KCNN2: variants seen among roughly 807,000 people sequenced by gnomAD.
KCNN2 encodes the protein small conductance calcium-activated potassium channel protein 2.
A neutral mutation model predicts 55.5 loss-of-function variants in KCNN2; 24 were observed. That is an observed-to-expected ratio of 0.43 (90% CI 0.31 to 0.61). The LOEUF (loss-of-function observed/expected upper bound fraction) is 0.61, where lower values mean the gene tolerates loss of function less well. Ranked by LOEUF, KCNN2 falls within the 20% of genes least tolerant of loss-of-function variation. The probability of loss-of-function intolerance (pLI) is 0.08; values close to 1 mark genes in which losing one functional copy is unlikely to be tolerated. For missense variants in KCNN2, 754 were observed against 853.6 expected (o/e 0.88, Z 1.45); for synonymous variants, 431 against 336.1 (o/e 1.28, Z -3.09).
intron 2 of KCNN2, among the ~76,000 whole-genome samples, chr5:114,287,017 A>G (rs780396945): frequency 6.6e-6 from 1 of 152,234 alleles, no homozygotes; most frequent in Non-Finnish European, 1.5e-5. Context: ...CTTGTCTAGA[A>G]TTATACAGTA....
chr5:114,327,555 G>T (rs1756735952), intron 2 of KCNN2, among the ~76,000 whole-genome samples: 1 of 152,120 alleles, frequency 6.6e-6, no homozygotes, highest in African/African-American at 2.4e-5. Flanking sequence ...GAAATAACTG[G>T]CCAGAAAAAA....
intron 2 of KCNN2, among the ~76,000 whole-genome samples, chr5:114,393,079 A>C (rs528471202): frequency 1.3e-5 from 2 of 152,022 alleles, no homozygotes; most frequent in African/African-American, 4.8e-5. Flanking sequence ...TCTCTGTTGT[A>C]GTACTTATCA....
At chr5:114,294,184 C>CT (rs1237214691) in intron 2 of KCNN2, among the ~76,000 whole-genome samples, 5 of 152,050 alleles carry the variant, frequency 3.3e-5, no homozygotes, top group Non-Finnish European at 7.3e-5. Flanking sequence ...TTTTGTGTCT[C>CT]TATTTCCTTC....
chr5:114,126,705 C>T lies in KCNN2; in HGVS notation c.-271+70205C>T, dbSNP rs972774186. ...CTTTCCAACAAAGCCTTAACTCATT[C>T]CCCCAAAGCCTTAACTCATTAAGGA... is the stretch of plus-strand genomic sequence containing the variant. On this transcript the variant is annotated intron_variant, in intron 1 of 10. Coordinates refer to the KCNN2 transcript ENST00000512097. Among the ~76,000 whole-genome samples the T allele has an allele frequency of 3.9e-5, 6 of 152,140 alleles. No homozygotes were observed. The East Asian group carries it at 5.8e-4, about 15-fold the overall frequency.
intron 1 of KCNN2, among the ~76,000 whole-genome samples, chr5:114,211,393 A>C (rs1753882125): frequency 6.6e-6 from 1 of 152,190 alleles, no homozygotes; most frequent in Non-Finnish European, 1.5e-5. Context: ...AAAAAGAATG[A>C]GATCATGACC....
At chr5:114,438,999 T>G (rs1760114011) in intron 3 of KCNN2, among the ~76,000 whole-genome samples, 1 of 152,176 alleles carries the variant, frequency 6.6e-6, no homozygotes. Flanking sequence ...AAATTTAACT[T>G]AGACATTATA....
chr5:114,140,762 C>CCTTATTATT, intron 1 of KCNN2, among the ~76,000 whole-genome samples: 1 of 139,908 alleles, frequency 7.1e-6, no homozygotes, highest in African/African-American at 2.6e-5. Context: ...CTGTCATCCT[C>CCTTATTATT]ATTATTATTA....
chr5:114,194,786 T>G (rs959565559), intron 1 of KCNN2, among the ~76,000 whole-genome samples: 1 of 152,078 alleles, frequency 6.6e-6, no homozygotes, highest in Non-Finnish European at 1.5e-5. Context: ...TTTACTCCTG[T>G]GAGTCTTCTA....
At chr5:114,324,523 G>A (rs2047317) in intron 2 of KCNN2, among the ~76,000 whole-genome samples, 5,997 of 152,246 alleles carry the variant, frequency 0.039, 403 homozygotes, top group African/African-American at 0.14. Context: ...GCCTCTAGAA[G>A]GGTGGAAAAC....
At chr5:114,258,208 G>A (rs1256960242) in intron 2 of KCNN2, among the ~76,000 whole-genome samples, 4 of 152,268 alleles carry the variant, frequency 2.6e-5, no homozygotes, top group East Asian at 1.9e-4. Context: ...TGATCATGAT[G>A]TATTAGCTTT....
At chr5:114,138,704 A>G (rs1467339373) in intron 1 of KCNN2, among the ~76,000 whole-genome samples, 3 of 152,198 alleles carry the variant, frequency 2.0e-5, no homozygotes, top group South Asian at 2.1e-4. Flanking sequence ...ATGCAGATCC[A>G]TTTCCACTGT....
intron 4 of KCNN2, among the ~76,000 whole-genome samples, chr5:114,470,889 G>GGAGATGAAGATTT (rs1761701214): frequency 6.6e-6 from 1 of 152,152 alleles, no homozygotes; most frequent in African/African-American, 2.4e-5. Flanking sequence ...TTTTATCCCT[G>GGAGATGAAGATTT]GAGATGAAGA....
intron 1 of KCNN2, among the ~76,000 whole-genome samples, chr5:114,080,260 G>A (rs1750781306): frequency 6.6e-6 from 1 of 152,182 alleles, no homozygotes; most frequent in African/African-American, 2.4e-5. Context: ...TTAATTAGCA[G>A]TAGAACTTAT....
chr5:114,359,829 G>C (rs972739750), upstream of KCNN2, among the ~76,000 whole-genome samples: 1 of 152,242 alleles, frequency 6.6e-6, no homozygotes, highest in African/African-American at 2.4e-5. Flanking sequence ...TGGATTTTCC[G>C]CATGAGTTGA....
At chr5:114,303,820 C>G (rs1756215049) in intron 2 of KCNN2, among the ~76,000 whole-genome samples, 1 of 151,994 alleles carries the variant, frequency 6.6e-6, no homozygotes, top group South Asian at 2.1e-4. Context: ...GTAATGAAAG[C>G]ATAACTACTG....
intron 3 of KCNN2, among the ~76,000 whole-genome samples, chr5:114,407,249 T>A (rs1758963673): frequency 6.6e-6 from 1 of 152,126 alleles, no homozygotes; most frequent in Non-Finnish European, 1.5e-5. Context: ...GTTGTGTAGA[T>A]AATGGCCCTC....
chr5:114,294,308 C>T (rs1288905174), intron 2 of KCNN2, among the ~76,000 whole-genome samples: 1 of 151,890 alleles, frequency 6.6e-6, no homozygotes, highest in Non-Finnish European at 1.5e-5. Flanking sequence ...TGGATCTTTC[C>T]TGCTTTCTCT....
chr5:114,285,019 A>G (rs918878292), intron 2 of KCNN2, among the ~76,000 whole-genome samples: 13 of 151,600 alleles, frequency 8.6e-5, no homozygotes, highest in African/African-American at 1.9e-4. Flanking sequence ...GCGGTGGCTC[A>G]TGCCTGTAAT....
chr5:114,438,953 T>C (rs1561384165), intron 3 of KCNN2, among the ~76,000 whole-genome samples: 1 of 152,242 alleles, frequency 6.6e-6, no homozygotes, highest in Non-Finnish European at 1.5e-5. Context: ...TTATAAAATA[T>C]GTTAATAGAG....
Sources: allele counts gnomAD v4.1 joint callset (sites outside exome capture counted in the v4.1 genomes callset), GRCh38; gene constraint gnomAD v4.1.1; transcripts MANE v1.5; gene names NCBI Gene and HGNC (gene_info 2026-07-23, HGNC 2026-07-21).